The following DENND1A variants were observed in gnomAD, a reference collection of about 807,000 sequenced individuals.
The protein encoded by DENND1A is DENN domain-containing protein 1A.
In DENND1A, 51 loss-of-function variants were observed where a neutral mutation model predicts 113.7. The observed-to-expected ratio is 0.45, with a 90% confidence interval of 0.36 to 0.57. DENND1A has a LOEUF of 0.57. DENND1A is among the 20% of genes least tolerant of loss of function. The pLI is 0.00. For synonymous variants in DENND1A, 565 were observed against 570.8 expected, an observed-to-expected ratio of 0.99 and a Z score of 0.14; for missense variants, 1,258 against 1,395.9, an observed-to-expected ratio of 0.90 and a Z score of 1.57.
chr9:123,499,472 C>T (rs2052273421), intron 13 of DENND1A, among the ~76,000 whole-genome samples: 1 of 152,164 alleles, frequency 6.6e-6, no homozygotes, highest in Non-Finnish European at 1.5e-5. Flanking sequence ...CTTACTTTTC[C>T]CCCAGCCCTT....
intron 19 of DENND1A, 37 bp from the exon 20 acceptor site, chr9:123,411,866 C>T: frequency 5.1e-6 from 5 of 985,142 alleles, no homozygotes; most frequent in Non-Finnish European, 6.0e-6. Flanking sequence ...TCAGGACACA[C>T]TGAGAAGGCT....
At chr9:123,514,124 A>G (rs1157712566) in intron 13 of DENND1A, among the ~76,000 whole-genome samples, 1 of 133,678 alleles carries the variant, frequency 7.5e-6, no homozygotes, top group African/African-American at 2.8e-5. Flanking sequence ...GTGTGTGTCC[A>G]TGACACCCAG....
At chr9:123,471,539 G>A (rs1249882250) in intron 13 of DENND1A, among the ~76,000 whole-genome samples, 2 of 152,180 alleles carry the variant, frequency 1.3e-5, no homozygotes, top group South Asian at 2.1e-4. Flanking sequence ...CAGTGGAGGC[G>A]AGACCGCAAC....
rs761771038 is a variant in DENND1A at position 123,525,834 on chromosome 9, C to T, written c.993+31736G>A. 3.4e-5 allele frequency among the ~76,000 whole-genome samples: 5 copies of T among 148,984 alleles called. No homozygotes were observed. In the East Asian group the frequency reaches 8.1e-4, roughly 24 times the overall value. ...AGTGCAGTGGTGTGATTATGATTCA[C>T]TGCAGCCTCAACCTCCCAGGCTCCA... On this transcript the variant is annotated intron_variant, in intron 13 of 23. Transcript: ENST00000394215.
chr9:123,459,526 C>T (rs557158151), intron 13 of DENND1A, among the ~76,000 whole-genome samples: 48 of 151,674 alleles, frequency 3.2e-4, no homozygotes, highest in African/African-American at 8.5e-4. Context: ...GTCAAGAAGA[C>T]GATACCCTGA....
At chr9:123,676,935 G>A (rs1200565952) in intron 5 of DENND1A, 146 bp from the exon 6 acceptor site, 14 of 752,646 alleles carry the variant, frequency 1.9e-5, no homozygotes, top group Non-Finnish European at 2.5e-5. Context: ...ACAAACTGGC[G>A]AAATGCTAAT....
intron 13 of DENND1A, among the ~76,000 whole-genome samples, chr9:123,498,691 T>C (rs1053810320): frequency 5.9e-5 from 9 of 151,882 alleles, no homozygotes; most frequent in Non-Finnish European, 1.2e-4. Flanking sequence ...TTAGATGCAA[T>C]TTTGGGCAAA....
chr9:123,401,640 AG>A, intron 21 of DENND1A: 1 of 1,446,718 alleles, frequency 6.9e-7, no homozygotes, highest in Non-Finnish European at 9.1e-7. Flanking sequence ...CAACAGAAGT[AG>A]AAAACAGGGC....
At position 123,440,507 on chromosome 9, in the gene DENND1A, T is replaced by C; in HGVS notation, c.1357-16A>G. 2 of 1,539,940 alleles carry C rather than the reference T, an allele frequency of 1.3e-6. No individual in the cohort carries two copies. The highest frequency in any genetic ancestry group is 1.7e-6 in the Non-Finnish European group (2 of 1,155,294). ...CGGCAATGTCCTGTAGGGAGAAGGATAGTCAGCGGTTGGCACTGGGGTTCT... is the reference window on the plus strand; with the variant it reads ...CGGCAATGTCCTGTAGGGAGAAGGACAGTCAGCGGTTGGCACTGGGGTTCT... On this transcript the variant is annotated splice_polypyrimidine_tract_variant and intron_variant, in intron 18 of 23. Coordinates refer to ENST00000394215, the MANE Select transcript of DENND1A (RefSeq NM_001352964.2).
chr9:123,605,116 C>G lies in DENND1A; in HGVS notation c.765+4320G>C, dbSNP rs909661302. ...GTCACATTCTAACTGCTCTACTTCA[C>G]TGCCCCTGTGTATGGGTGGAACTTC... On this transcript the variant is annotated intron_variant, in intron 11 of 23. Transcript: ENST00000394215. Among the ~76,000 whole-genome samples the G allele has an allele frequency of 2.0e-5, 3 of 152,322 alleles. No individual in the cohort carries two copies. In the East Asian group the frequency reaches 5.8e-4, roughly 29 times the overall value.
At chr9:123,720,112 C>T (rs1306339203) in intron 5 of DENND1A, among the ~76,000 whole-genome samples, 1 of 152,178 alleles carries the variant, frequency 6.6e-6, no homozygotes, top group Non-Finnish European at 1.5e-5. Context: ...TCCCTCCATG[C>T]CACAATAAGC....
chr9:123,584,164 C>T lies in DENND1A; in HGVS notation c.766-894G>A, dbSNP rs550193160. 2.0e-5 allele frequency among the ~76,000 whole-genome samples: 3 copies of T among 152,306 alleles called. No individual in the cohort carries two copies. The South Asian group carries it at 6.2e-4, about 32-fold the overall frequency. On this transcript the variant is annotated intron_variant, in intron 11 of 23. Transcript: ENST00000394215. The stretch of plus-strand genomic sequence containing the variant: ...CGTATCAAGCGTATTCCTTTTGAGT[C>T]AGAGGCATTAGAACTATTGTCTTTA...
intron 11 of DENND1A, among the ~76,000 whole-genome samples, chr9:123,605,917 AG>A (rs2060134306): frequency 6.6e-6 from 1 of 152,240 alleles, no homozygotes; most frequent in Non-Finnish European, 1.5e-5. Context: ...AGGCATAATA[AG>A]GTGCCTATAG....
intron 18 of DENND1A, among the ~76,000 whole-genome samples, chr9:123,449,985 G>A (rs1377462555): frequency 6.7e-6 from 1 of 148,856 alleles, no homozygotes; most frequent in East Asian, 2.0e-4. Flanking sequence ...TCCCCCAAAG[G>A]CTATGGCAAT....
At chr9:123,722,604 G>A (rs1048894597) in intron 5 of DENND1A, among the ~76,000 whole-genome samples, 4 of 152,210 alleles carry the variant, frequency 2.6e-5, no homozygotes, top group Non-Finnish European at 1.5e-5. Flanking sequence ...CTGTGTCCCA[G>A]TCACTCCAGC....
chr9:123,593,510 T>C (rs2059553158), intron 11 of DENND1A, among the ~76,000 whole-genome samples: 1 of 152,148 alleles, frequency 6.6e-6, no homozygotes, highest in African/African-American at 2.4e-5. Context: ...CACAGTGTCA[T>C]GTGTTATTAT....
intron 5 of DENND1A, among the ~76,000 whole-genome samples, chr9:123,706,116 G>A (rs2066179034): frequency 6.6e-6 from 1 of 151,580 alleles, no homozygotes; most frequent in Non-Finnish European, 1.5e-5. Flanking sequence ...TGGAGGTGGA[G>A]CTACATCAAC....
chr9:123,621,184 C>CT (rs71490814), intron 10 of DENND1A, among the ~76,000 whole-genome samples: 7,339 of 134,844 alleles, frequency 0.054, 215 homozygotes, highest in Non-Finnish European at 0.069. Flanking sequence ...AGTTGAAATT[C>CT]TTTTTTTTTT....
chr9:123,511,238 G>T (rs537226924), intron 13 of DENND1A, among the ~76,000 whole-genome samples: 3 of 152,158 alleles, frequency 2.0e-5, no homozygotes, highest in African/African-American at 7.2e-5. Flanking sequence ...TGAGGCCTTC[G>T]AACTTGGGCT....
Sources: gnomAD v4.1 joint callset for allele counts (sites outside exome capture counted in the v4.1 genomes callset) on GRCh38, gnomAD v4.1.1 for gene constraint, MANE v1.5 for transcripts, NCBI Gene and HGNC (gene_info 2026-07-23, HGNC 2026-07-21) for gene names.